Variants in STRADB observed in about 807,000 individuals in gnomAD.
The protein encoded by STRADB is STE20 related adaptor beta, also known as STE20-related kinase adapter protein beta.
Under a neutral mutation model 52.1 loss-of-function variants are expected in STRADB, and 34 were observed. The ratio of observed to expected loss-of-function variants is 0.65; its 90% CI spans 0.50 to 0.87. The LOEUF is 0.87. Ranked by LOEUF, STRADB falls within the 40% of genes least tolerant of loss-of-function variation. The pLI is 0.00. For synonymous variants in STRADB, 133 were observed against 174.5 expected, an observed-to-expected ratio of 0.76 and a Z score of 1.87; for missense variants, 340 against 483.9, an observed-to-expected ratio of 0.70 and a Z score of 2.79.
At position 201,470,000 on chromosome 2, in the gene STRADB, T is replaced by C; in HGVS notation, c.141T>C (p.Ser47=). 1 of 1,614,058 alleles carries C rather than the reference T, an allele frequency of 6.2e-7. No individual in the cohort carries two copies. The highest frequency in any genetic ancestry group is 8.5e-7 in the Non-Finnish European group (1 of 1,179,986). The change falls in exon 4 of 12, where the codon AGT becomes AGC. Residue 47 remains serine, a synonymous_variant. Coordinates refer to ENST00000194530, the MANE Select transcript of STRADB (RefSeq NM_018571.6). ...LSWSRPSTRA[S]EVLCSTNVSH... is the part of the protein sequence containing the mutation. ...GGTCACGTCCATCCACTAGAGCCAG[T>C]GAAGTACTATGTTCCACCAACGTTT...
intron 2 of STRADB, among the ~76,000 whole-genome samples, chr2:201,455,731 TATG>T (rs1186165365): frequency 6.6e-6 from 1 of 152,134 alleles, no homozygotes; most frequent in East Asian, 1.9e-4. Flanking sequence ...AGTATATTTG[TATG>T]ATGATTTATA....
chr2:201,477,079 GAGAC>G (rs1391383849), intron 7 of STRADB, among the ~76,000 whole-genome samples: 4 of 2,558 alleles, frequency 1.6e-3, no homozygotes, highest in African/African-American at 2.7e-3. Context: ...TTTTTTTTTT[GAGAC>G]AGACAGAGTC....
At chr2:201,469,448 G>C (rs1574288400) in intron 3 of STRADB, among the ~76,000 whole-genome samples, 1 of 152,038 alleles carries the variant, frequency 6.6e-6, no homozygotes, top group Non-Finnish European at 1.5e-5. Flanking sequence ...TTTTCTTTCT[G>C]ACCTCCCATC....
At chr2:201,452,465 G>A (rs956015623) in intron 1 of STRADB, among the ~76,000 whole-genome samples, 1 of 152,210 alleles carries the variant, frequency 6.6e-6, no homozygotes, top group African/African-American at 2.4e-5. Context: ...TCCCTGCTGG[G>A]TCTTTGTCAA....
rs1952442553 is a variant in STRADB at position 201,474,570 on chromosome 2, C to A, written c.316-77C>A. The A allele has an allele frequency of 2.4e-6, 3 of 1,247,682 alleles. No homozygotes were observed. The South Asian group carries it at 3.8e-5, about 16-fold the overall frequency. 77.3% of individuals were successfully genotyped at this position (1,247,682 alleles called of 1,614,324 possible). On this transcript the variant is annotated intron_variant, in intron 5 of 11. Coordinates refer to ENST00000194530, the MANE Select transcript of STRADB (RefSeq NM_018571.6). Reference sequence around the variant, plus strand: ...ACTAATAAGCACCCTTGAGTATTAGCTGCCACGACCGCCATTTTCATCATA... The same window carrying A: ...ACTAATAAGCACCCTTGAGTATTAGATGCCACGACCGCCATTTTCATCATA...
At position 201,469,904 on chromosome 2, in the gene STRADB, G is replaced by A. The variant is rs372958862; in HGVS notation, c.94-49G>A. 105 of 1,385,630 alleles carry A rather than the reference G, an allele frequency of 7.6e-5. No homozygotes were observed. In the Middle Eastern group the frequency reaches 1.2e-3, roughly 16 times the overall value. 85.8% of individuals were successfully genotyped at this position (1,385,630 alleles called of 1,614,324 possible). ...ACCAGTGTTTTATATTAGGGCAGGG[G>A]GACCAAGAAGTTCATCTATTTTGTT... is the stretch of plus-strand genomic sequence containing the variant. On this transcript the variant is annotated intron_variant, in intron 3 of 11. Coordinates refer to ENST00000194530, the MANE Select transcript of STRADB (RefSeq NM_018571.6).
At chr2:201,472,484 G>C (rs562356841) in intron 4 of STRADB, among the ~76,000 whole-genome samples, 3 of 152,190 alleles carry the variant, frequency 2.0e-5, no homozygotes, top group East Asian at 3.9e-4. Flanking sequence ...TATGCCAAGT[G>C]AAAGAAGCTA....
intron 3 of STRADB, among the ~76,000 whole-genome samples, chr2:201,460,116 T>C (rs377630886): frequency 1.3e-5 from 2 of 152,334 alleles, no homozygotes; most frequent in East Asian, 1.9e-4. Flanking sequence ...TTGCTTATAA[T>C]TTAACCCCCA....
chr2:201,479,551 G>C lies in STRADB; in HGVS notation c.1113+20G>C. The stretch of plus-strand genomic sequence containing the variant: ...AAACAGGTGAGCTGATCTATCATCC[G>C]TTGTCTCGATGTTTTTAATTACTAT... On this transcript the variant is annotated intron_variant, in intron 11 of 11. Transcript: ENST00000194530. 1.3e-6 allele frequency: 2 copies of C among 1,589,084 alleles called. No individual in the cohort carries two copies. Among genetic ancestry groups the C allele is most frequent in the Non-Finnish European group, 1.7e-6 (2 of 1,173,328 alleles).
chr2:201,454,987 G>T, intron 2 of STRADB, 135 bp downstream of exon 2: 2 of 699,980 alleles, frequency 2.9e-6, no homozygotes, highest in Non-Finnish European at 4.5e-6. Context: ...ATTGACTTCT[G>T]GACTTGAGAA....
intron 1 of STRADB, among the ~76,000 whole-genome samples, chr2:201,454,401 C>A (rs974627124): frequency 6.6e-6 from 1 of 152,130 alleles, no homozygotes; most frequent in African/African-American, 2.4e-5. Context: ...TGGTTTTCTA[C>A]ATTGCTTTCA....
intron 4 of STRADB, among the ~76,000 whole-genome samples, chr2:201,470,636 G>A (rs1187931528): frequency 2.6e-5 from 4 of 152,192 alleles, no homozygotes; most frequent in African/African-American, 4.8e-5. Context: ...CTGGGAAGAT[G>A]AAGACACAAT....
Position 201,480,343 on chromosome 2 carries a change from C to G in STRADB, c.*168C>G. ...TTCAAAGGGGCACCAGTTTGTAGTC[C>G]CTCTGTTTCGCACAGAGTACTATGA... is the stretch of plus-strand genomic sequence containing the variant. On this transcript the variant is annotated 3_prime_UTR_variant, in exon 12 of 12. Transcript: ENST00000194530. 1.4e-6 allele frequency: 2 copies of G among 1,458,342 alleles called. No homozygotes were observed. The highest frequency in any genetic ancestry group is 2.4e-5 in the East Asian group (1 of 41,412). 90.3% of individuals were successfully genotyped at this position (1,458,342 alleles called of 1,614,324 possible).
At chr2:201,479,995 G>GATAT in intron 11 of STRADB, 37 bp from the exon 12 acceptor site, 2 of 1,595,666 alleles carry the variant, frequency 1.3e-6, no homozygotes, top group East Asian at 2.2e-5. Context: ...ATATTGAAAT[G>GATAT]ATATATCAAC....
intron 3 of STRADB, among the ~76,000 whole-genome samples, chr2:201,460,268 T>A (rs1034743400): frequency 4.6e-5 from 7 of 152,188 alleles, no homozygotes; most frequent in African/African-American, 1.7e-4. Context: ...ACATAGAAGA[T>A]GTATATATTT....
rs191948939 is a variant in STRADB, at chr2:201,479,628, T to G, written c.1113+97T>G. 40 of 1,198,490 alleles carry G rather than the reference T, an allele frequency of 3.3e-5. No homozygotes were observed. The African/African-American group carries it at 5.0e-4, about 15-fold the overall frequency. The allele number at this position is 1,198,490 out of a possible 1,614,324, so 74.2% of individuals were successfully genotyped here. Reference sequence around the variant, plus strand: ...TGATGAGATATTTTGGTTACCAAGGTTCTTACTAATAACTTTGTTACAAAA... The same window carrying G: ...TGATGAGATATTTTGGTTACCAAGGGTCTTACTAATAACTTTGTTACAAAA... On this transcript the variant is annotated intron_variant, in intron 11 of 11. Coordinates refer to ENST00000194530, the MANE Select transcript of STRADB (RefSeq NM_018571.6).
At chr2:201,477,539 T>G (rs1197384840) in intron 7 of STRADB, 80 bp from the exon 8 acceptor site, 3 of 1,395,892 alleles carry the variant, frequency 2.1e-6, no homozygotes, top group Non-Finnish European at 3.0e-6. Context: ...AGAGAATATA[T>G]GGATTTGTTC....
intron 1 of STRADB, among the ~76,000 whole-genome samples, chr2:201,452,341 C>G (rs1952058446): frequency 6.6e-6 from 1 of 152,236 alleles, no homozygotes; most frequent in Admixed American, 6.5e-5. Flanking sequence ...TATCTGCCGC[C>G]TTCTGCAAGT....
chr2:201,473,598 A>G (rs889703848), intron 5 of STRADB, among the ~76,000 whole-genome samples: 1 of 152,238 alleles, frequency 6.6e-6, no homozygotes, highest in African/African-American at 2.4e-5. Flanking sequence ...TATATGAAAG[A>G]ACAAATATAT....
Sources: allele counts gnomAD v4.1 joint callset (sites outside exome capture counted in the v4.1 genomes callset), GRCh38; gene constraint gnomAD v4.1.1; transcripts MANE v1.5; gene names NCBI Gene and HGNC (gene_info 2026-07-23, HGNC 2026-07-21).